Variants in UBR7 observed in about 807,000 individuals in gnomAD.
UBR7 encodes the protein putative E3 ubiquitin-protein ligase UBR7.
UBR7 carries 22 observed loss-of-function variants against 57.0 expected under a neutral mutation model. That is an observed-to-expected ratio of 0.39 (90% CI 0.28 to 0.55). The LOEUF (loss-of-function observed/expected upper bound fraction) is 0.55. UBR7 is among the 20% of genes least tolerant of loss of function. The probability of loss-of-function intolerance (pLI) is 0.69; values close to 1 mark genes in which losing one functional copy is unlikely to be tolerated. For synonymous variants in UBR7, 167 were observed against 179.8 expected (o/e 0.93, Z 0.57); for missense variants, 395 against 513.2 (o/e 0.77, Z 2.23).
At position 93,228,875 on chromosome 14, in the gene UBR7, T is replaced by G; in HGVS notation, c.*1840T>G. ...AAGTCTTGGAGGTGATGTGTTACAT[T>G]ACGTGCAGCACAATAGTACCGATCA... On this transcript the variant is annotated 3_prime_UTR_variant, in exon 11 of 11. Coordinates refer to ENST00000013070, the MANE Select transcript of UBR7 (RefSeq NM_175748.4). 1 of 454,168 alleles carries G rather than the reference T, an allele frequency of 2.2e-6. No individual in the cohort carries two copies. The highest frequency in any genetic ancestry group is 1.6e-5 in the South Asian group (1 of 64,480). The allele number at this position is 454,168 out of a possible 1,614,324, so 28.1% of individuals were successfully genotyped here. A position where few individuals can be genotyped will look rare whatever the true frequency, so the allele number is the denominator to read the frequency against.
At chr14:93,209,782 T>C (rs1894441129) in intron 1 of UBR7, 42 bp from the exon 2 acceptor site, 1 of 1,608,050 alleles carries the variant, frequency 6.2e-7, no homozygotes, top group Admixed American at 1.7e-5. Context: ...AGGTAAACCA[T>C]GCTACTACAT....
In UBR7 at chr14:93,220,415, A is replaced by G; in HGVS notation, c.1123+4A>G. On this transcript the variant is annotated splice_donor_region_variant and intron_variant, in intron 9 of 10. Coordinates refer to ENST00000013070, the MANE Select transcript of UBR7 (RefSeq NM_175748.4). ...CAGCAAGTGGAACTCATTTGTGGTAAATACTGTGTGTGTGTGAAAATTCAT... is the reference window on the plus strand; with the variant it reads ...CAGCAAGTGGAACTCATTTGTGGTAGATACTGTGTGTGTGTGAAAATTCAT... 3 of 1,614,034 alleles carry G rather than the reference A, an allele frequency of 1.9e-6. No homozygotes were observed. The highest frequency in any genetic ancestry group is 2.5e-6 in the Non-Finnish European group (3 of 1,179,966).
chr14:93,223,309 C>T (rs7154000), intron 10 of UBR7, among the ~76,000 whole-genome samples: 16,042 of 149,976 alleles, frequency 0.11, 903 homozygotes, highest in African/African-American at 0.14. Context: ...GCAGGAGAAA[C>T]GCTTGAACCC....
At chr14:93,213,029 G>A (rs368584627) in intron 4 of UBR7, among the ~76,000 whole-genome samples, 34 of 152,086 alleles carry the variant, frequency 2.2e-4, no homozygotes, top group African/African-American at 6.5e-4. Flanking sequence ...TCCTGGCTAC[G>A]CGGGAGGCTG....
chr14:93,225,041 G>A (rs1894819082), intron 10 of UBR7, among the ~76,000 whole-genome samples: 2 of 152,078 alleles, frequency 1.3e-5, no homozygotes, highest in Admixed American at 6.6e-5. Flanking sequence ...TTCAACATCC[G>A]GGTCCTTGTT....
At chr14:93,219,986 A>G (rs2140104598) in intron 8 of UBR7, among the ~76,000 whole-genome samples, 1 of 151,984 alleles carries the variant, frequency 6.6e-6, no homozygotes, top group Middle Eastern at 3.4e-3. Context: ...AAAAAAAAAA[A>G]GTTAACAGTA....
At chr14:93,212,648 T>C (rs899403128) in intron 4 of UBR7, among the ~76,000 whole-genome samples, 1 of 152,358 alleles carries the variant, frequency 6.6e-6, no homozygotes, top group South Asian at 2.1e-4. Flanking sequence ...TGTGTTTCAA[T>C]GTGTAGTTTC....
intron 4 of UBR7, 44 bp from the exon 5 acceptor site, chr14:93,214,885 C>T (rs1460048611): frequency 6.5e-7 from 1 of 1,547,746 alleles, no homozygotes; most frequent in East Asian, 2.2e-5. Flanking sequence ...TTTCCATGTT[C>T]CCGAATTCAA....
Position 93,218,697 on chromosome 14 carries a change from G to T in UBR7, c.772G>T (p.Glu258Ter). The T allele has an allele frequency of 6.2e-7, 1 of 1,614,094 alleles. No homozygotes were observed. Among genetic ancestry groups the T allele is most frequent in the Non-Finnish European group, 8.5e-7 (1 of 1,180,014 alleles). Residue 258 changes from glutamate (E) to a stop codon, truncating the protein, a stop_gained, in exon 7 of 11, where the codon GAA becomes TAA. Transcript: ENST00000013070. LOFTEE classifies it high-confidence loss of function. ...VREVKVEQNSEPCAGSSSESD... is the reference protein window; with the variant it reads ...VREVKVEQNS ...GGAGGTTAAAGTAGAGCAGAACAGT[G>T]AACCATGTGCCGGCTCTAGTTCTGA...
chr14:93,220,517 A>T (rs2140105077), intron 9 of UBR7, 106 bp downstream of exon 9: 6 of 1,384,062 alleles, frequency 4.3e-6, no homozygotes, highest in Non-Finnish European at 6.0e-6. Context: ...AAGAATTAAA[A>T]TTTTGAATTT....
rs554495744 is a variant in UBR7 at position 93,216,066 on chromosome 14, C to A, written c.601+785C>A. ...TCAGTGTTTGGTTGAGGGCCCATTC[C>A]TCATAGACAGATCCTTCTACGTGTC... On this transcript the variant is annotated intron_variant, in intron 6 of 10. Coordinates refer to ENST00000013070, the MANE Select transcript of UBR7 (RefSeq NM_175748.4). 2.0e-5 allele frequency among the ~76,000 whole-genome samples: 3 copies of A among 152,198 alleles called. No homozygotes were observed. The South Asian group carries it at 6.2e-4, about 32-fold the overall frequency.
intron 8 of UBR7, among the ~76,000 whole-genome samples, chr14:93,219,587 T>C (rs186387447): frequency 3.5e-4 from 54 of 152,312 alleles, no homozygotes; most frequent in Non-Finnish European, 7.4e-4. Context: ...GTGGAAGAAA[T>C]GGATAATTAT....
intron 1 of UBR7, among the ~76,000 whole-genome samples, chr14:93,208,929 C>G (rs1267614014): frequency 3.3e-5 from 5 of 152,098 alleles, no homozygotes; most frequent in Non-Finnish European, 7.4e-5. Context: ...TCCCAAGTAG[C>G]TGGGATAACA....
At position 93,219,357 on chromosome 14, in the gene UBR7, G is replaced by C; in HGVS notation, c.956G>C (p.Cys319Ser). ...WRSKLCTCQDCMKMYGDLDVL... is the reference protein window; with the variant it reads ...WRSKLCTCQDSMKMYGDLDVL... ...AGCAAGTTGTGTACCTGCCAAGACT[G>C]TATGGTAAAGTATCTGATTGTGCTC... The change falls in exon 8 of 11, where the codon TGT becomes TCT. Residue 319 changes from cysteine (C) to serine (S), a missense_variant. Transcript: ENST00000013070. 6.2e-7 allele frequency: 1 copy of C among 1,614,162 alleles called. No homozygotes were observed. The highest frequency in any genetic ancestry group is 8.5e-7 in the Non-Finnish European group (1 of 1,180,040).
In UBR7 at chr14:93,219,346, C is replaced by T; in HGVS notation, c.945C>T (p.Thr315=). 3 of 1,614,180 alleles carry T rather than the reference C, an allele frequency of 1.9e-6. No individual in the cohort carries two copies. The highest frequency in any genetic ancestry group is 2.5e-6 in the Non-Finnish European group (3 of 1,180,042). Residue 315 remains threonine (T), a synonymous_variant, in exon 8 of 11, where the codon ACC becomes ACT. Coordinates refer to ENST00000013070, the MANE Select transcript of UBR7 (RefSeq NM_175748.4). ...TGAACTGGCGTAGCAAGTTGTGTACCTGCCAAGACTGTATGGTAAAGTATC... is the reference window on the plus strand; with the variant it reads ...TGAACTGGCGTAGCAAGTTGTGTACTTGCCAAGACTGTATGGTAAAGTATC... The part of the protein sequence containing the change: ...WPLNWRSKLC[T]CQDCMKMYGD...
intron 10 of UBR7, among the ~76,000 whole-genome samples, chr14:93,223,067 G>A (rs1371837040): frequency 1.3e-5 from 2 of 152,160 alleles, no homozygotes; most frequent in African/African-American, 2.4e-5. Context: ...ACCAGACCCA[G>A]TTTCTGGAAT....
chr14:93,209,215 C>T (rs536981389), intron 1 of UBR7, among the ~76,000 whole-genome samples: 2 of 152,300 alleles, frequency 1.3e-5, no homozygotes, highest in South Asian at 4.1e-4. Context: ...AAGTTGCAGA[C>T]ACGATGACAC....
In UBR7 at chr14:93,228,691, TTATC is replaced by T; in HGVS notation, c.*1657_*1660del. Reference sequence around the variant, plus strand: ...AGGCTCGGGGTGTCTTTGAGGTTGTTTATCAAGCTGGGGAACTCTTCCAAGTCTG... The same window carrying T: ...AGGCTCGGGGTGTCTTTGAGGTTGTTAAGCTGGGGAACTCTTCCAAGTCTG... On this transcript the variant is annotated 3_prime_UTR_variant, in exon 11 of 11. Transcript: ENST00000013070. 1 of 454,144 alleles carries T rather than the reference TTATC, an allele frequency of 2.2e-6. No individual in the cohort carries two copies. Among genetic ancestry groups the T allele is most frequent in the Non-Finnish European group, 4.4e-6 (1 of 226,802 alleles). 28.1% of individuals were successfully genotyped at this position (454,144 alleles called of 1,614,324 possible).
chr14:93,223,136 G>T (rs890104704), intron 10 of UBR7, among the ~76,000 whole-genome samples: 1 of 152,090 alleles, frequency 6.6e-6, no homozygotes, highest in Admixed American at 6.5e-5. Flanking sequence ...AGTGGCTCAC[G>T]CCTTAATCCC....
Sources: allele counts gnomAD v4.1 joint callset (sites outside exome capture counted in the v4.1 genomes callset), GRCh38; gene constraint gnomAD v4.1.1; transcripts MANE v1.5; gene names NCBI Gene and HGNC (gene_info 2026-07-23, HGNC 2026-07-21).